Variants in KCNQ1OT1 observed in about 807,000 individuals in gnomAD.
KCNQ1OT1 encodes KCNQ1 opposite strand/antisense transcript 1.
rs925990406 is a variant in KCNQ1OT1, at chr11:2,647,518, A to T, written n.52477T>A. 7.5e-6 allele frequency: 3 copies of T among 398,398 alleles called. No homozygotes were observed. The highest frequency in any genetic ancestry group is 6.2e-5 in the African/African-American group (3 of 48,602). 24.7% of individuals were successfully genotyped at this position (398,398 alleles called of 1,614,324 possible). The stretch of plus-strand genomic sequence containing the variant: ...ATCAAGATACTGCTTGCCTCACAGA[A>T]TGAGTTAGGGAGAATTCCTTTCTCT... On this transcript the variant is annotated non_coding_transcript_exon_variant, in exon 1 of 1. Transcript: ENST00000597346. The surrounding 1 kb of genome is among the most constrained non-coding windows in gnomAD (Gnocchi z 4.0).
exon 1 of KCNQ1OT1, chr11:2,640,995 T>C (rs1226871097): frequency 2.5e-6 from 1 of 398,594 alleles, no homozygotes; most frequent in Non-Finnish European, 4.4e-6. Flanking sequence ...AAGGACATGA[T>C]TTCATTCTTC....
In KCNQ1OT1 at chr11:2,612,535, AGT is replaced by A. The variant is rs1318157369; in HGVS notation, n.87458_87459del. 7.5e-6 allele frequency: 3 copies of A among 398,604 alleles called. No individual in the cohort carries two copies. Among genetic ancestry groups the A allele is most frequent in the Non-Finnish European group, 1.3e-5 (3 of 226,058 alleles). 24.7% of individuals were successfully genotyped at this position (398,604 alleles called of 1,614,324 possible). A position where few individuals can be genotyped will look rare whatever the true frequency, so the allele number is the denominator to read the frequency against. ...CAGGTCAAATTTGCTTAGCCGCACT[AGT>A]GAGTTTTTCACCTAAGTTATTATAT... On this transcript the variant is annotated non_coding_transcript_exon_variant, in exon 1 of 1. Transcript: ENST00000597346. This position sits in a 1 kb window ranked among gnomAD's most constrained non-coding sequence, Gnocchi z 5.5.
exon 1 of KCNQ1OT1, chr11:2,662,038 C>T: frequency 6.2e-7 from 1 of 1,614,222 alleles, no homozygotes; most frequent in Non-Finnish European, 8.5e-7. Context: ...GGACCTGGAC[C>T]TGGAAGGGGA....
Position 2,620,576 on chromosome 11 carries a change from T to C in KCNQ1OT1, n.79419A>G. The C allele has an allele frequency of 2.5e-6, 1 of 397,364 alleles. No homozygotes were observed. Among genetic ancestry groups the C allele is most frequent in the Non-Finnish European group, 4.4e-6 (1 of 225,796 alleles). 24.6% of individuals were successfully genotyped at this position (397,364 alleles called of 1,614,324 possible). ...TGGTGTACATGTACCACATTTTCTTTATCCAATCCACCACTGATGGGCATC... is the reference window on the plus strand; with the variant it reads ...TGGTGTACATGTACCACATTTTCTTCATCCAATCCACCACTGATGGGCATC... On this transcript the variant is annotated non_coding_transcript_exon_variant, in exon 1 of 1. Coordinates refer to ENST00000597346, the Ensembl canonical transcript of KCNQ1OT1. This position sits in a 1 kb window ranked among gnomAD's most constrained non-coding sequence, Gnocchi z 4.5.
In KCNQ1OT1 at chr11:2,679,231, A is replaced by G. The variant is rs1850345461; in HGVS notation, n.20764T>C. On this transcript the variant is annotated non_coding_transcript_exon_variant, in exon 1 of 1. Transcript: ENST00000597346. This position sits in a 1 kb window ranked among gnomAD's most constrained non-coding sequence, Gnocchi z 4.8. ...CATCCATGTGAAGCTGGTCCAGAGG[A>G]CTACAGCTGCCTGTCCCACCCTTGG... is the stretch of plus-strand genomic sequence containing the variant. 3 of 398,506 alleles carry G rather than the reference A, an allele frequency of 7.5e-6. No homozygotes were observed. Among genetic ancestry groups the G allele is most frequent in the Non-Finnish European group, 1.3e-5 (3 of 226,078 alleles). 24.7% of individuals were successfully genotyped at this position (398,506 alleles called of 1,614,324 possible).
chr11:2,649,235 AC>A (rs1564844901), exon 1 of KCNQ1OT1: 3 of 398,000 alleles, frequency 7.5e-6, no homozygotes, highest in Non-Finnish European at 1.3e-5. Flanking sequence ...ATAGGTGAGG[AC>A]TTACTCCTGT....
At chr11:2,680,339 T>C (rs192927813) in exon 1 of KCNQ1OT1, 17 of 398,368 alleles carry the variant, frequency 4.3e-5, no homozygotes, top group African/African-American at 2.9e-4. Flanking sequence ...AAAAAGTCTT[T>C]CCAGCCACAA....
chr11:2,622,805 A>G, exon 1 of KCNQ1OT1: 1 of 398,670 alleles, frequency 2.5e-6, no homozygotes, highest in Non-Finnish European at 4.4e-6. Context: ...GCACCCATAC[A>G]TACAGAGCTT....
rs956813874 is a variant in KCNQ1OT1, at chr11:2,690,779, G to C, written n.9216C>G. On this transcript the variant is annotated non_coding_transcript_exon_variant, in exon 1 of 1. Transcript: ENST00000597346. This position sits in a 1 kb window ranked among gnomAD's most constrained non-coding sequence, Gnocchi z 5.1. Reference sequence around the variant, plus strand: ...TTAGGTGGATGTGGCCTGGCAGGGGGTCAGCAGGAGGGAGGTCCCTGTCTC... The same window carrying C: ...TTAGGTGGATGTGGCCTGGCAGGGGCTCAGCAGGAGGGAGGTCCCTGTCTC... The C allele has an allele frequency of 1.0e-5, 4 of 398,568 alleles. No homozygotes were observed. Among genetic ancestry groups the C allele is most frequent in the Non-Finnish European group, 1.8e-5 (4 of 226,102 alleles). The allele number at this position is 398,568 out of a possible 1,614,324, so 24.7% of individuals were successfully genotyped here.
exon 1 of KCNQ1OT1, chr11:2,660,720 T>C (rs919797302): frequency 3.0e-5 from 12 of 398,508 alleles, no homozygotes; most frequent in African/African-American, 2.5e-4. Context: ...TCGGGCTTCA[T>C]TCAACACTTC....
At position 2,691,792 on chromosome 11, in the gene KCNQ1OT1, A is replaced by G. The variant is rs1271080545; in HGVS notation, n.8203T>C. ...GGCCAGTGGCCATCCACTGCCAGCA[A>G]TCAGAGAATCACAAGCACTGGATCC... On this transcript the variant is annotated non_coding_transcript_exon_variant, in exon 1 of 1. Transcript: ENST00000597346. This position sits in a 1 kb window ranked among gnomAD's most constrained non-coding sequence, Gnocchi z 6.4. The G allele has an allele frequency of 5.0e-6, 2 of 398,524 alleles. No individual in the cohort carries two copies. The highest frequency in any genetic ancestry group is 4.4e-5 in the Admixed American group (1 of 22,722). The allele number at this position is 398,524 out of a possible 1,614,324, so 24.7% of individuals were successfully genotyped here. A position where few individuals can be genotyped will look rare whatever the true frequency, so the allele number is the denominator to read the frequency against.
exon 1 of KCNQ1OT1, chr11:2,616,204 GTTTT>G (rs1002332005): frequency 8.1e-6 from 3 of 371,246 alleles, no homozygotes; most frequent in Admixed American, 4.9e-5. Context: ...TCCCACTTTT[GTTTT>G]TTTTTCTTAT....
chr11:2,616,161 C>T (rs1175406105), exon 1 of KCNQ1OT1: 4 of 396,894 alleles, frequency 1.0e-5, no homozygotes, highest in African/African-American at 6.2e-5. Flanking sequence ...TCTTTTATCA[C>T]ACTTTTTATT....
chr11:2,678,972 A>C lies in KCNQ1OT1; in HGVS notation n.21023T>G. 2 of 398,652 alleles carry C rather than the reference A, an allele frequency of 5.0e-6. No individual in the cohort carries two copies. The highest frequency in any genetic ancestry group is 8.8e-6 in the Non-Finnish European group (2 of 226,064). The allele number at this position is 398,652 out of a possible 1,614,324, so 24.7% of individuals were successfully genotyped here. On this transcript the variant is annotated non_coding_transcript_exon_variant, in exon 1 of 1. Transcript: ENST00000597346. The surrounding 1 kb of genome is among the most constrained non-coding windows in gnomAD (Gnocchi z 4.9). ...CTCAATAGAGAACAAAAGAGCAAAT[A>C]GGCCTAATTCAAGAATTTTTAAAAA...
exon 1 of KCNQ1OT1, chr11:2,667,784 C>T: frequency 2.5e-6 from 1 of 398,672 alleles, no homozygotes; most frequent in Non-Finnish European, 4.4e-6. Context: ...GGCTATCCAC[C>T]TAATTAGGCT....
chr11:2,650,646 C>A, exon 1 of KCNQ1OT1: 1 of 398,674 alleles, frequency 2.5e-6, no homozygotes, highest in Admixed American at 4.4e-5. Flanking sequence ...TAACTACCTT[C>A]AAACTTTTTG....
exon 1 of KCNQ1OT1, chr11:2,614,127 A>G (rs950682415): frequency 3.8e-5 from 15 of 398,296 alleles, no homozygotes; most frequent in Non-Finnish European, 5.3e-5. Context: ...TGGCTTTCCT[A>G]CCATGTCTCT....
chr11:2,622,457 G>C (rs1485481052), exon 1 of KCNQ1OT1: 1 of 398,246 alleles, frequency 2.5e-6, no homozygotes, highest in East Asian at 3.6e-5. Flanking sequence ...AAGTGAGTTT[G>C]TTATATACAG....
In KCNQ1OT1 at chr11:2,682,383, A is replaced by G. The variant is rs1383282369; in HGVS notation, n.17612T>C. 2.5e-6 allele frequency: 1 copy of G among 398,550 alleles called. No individual in the cohort carries two copies. The highest frequency in any genetic ancestry group is 2.1e-5 in the African/African-American group (1 of 48,630). 24.7% of individuals were successfully genotyped at this position (398,550 alleles called of 1,614,324 possible). A position where few individuals can be genotyped will look rare whatever the true frequency, so the allele number is the denominator to read the frequency against. On this transcript the variant is annotated non_coding_transcript_exon_variant, in exon 1 of 1. Coordinates refer to ENST00000597346, the Ensembl canonical transcript of KCNQ1OT1. This position sits in a 1 kb window ranked among gnomAD's most constrained non-coding sequence, Gnocchi z 5.8. ...GCTCCTTCTATCACATTCAAGGAGC[A>G]TGAGGGTATAGGCTGGCTGTTTCTA... is the stretch of plus-strand genomic sequence containing the variant.
Sources: gnomAD v4.1 joint callset for allele counts on GRCh38, gnomAD v4.1.1 for gene constraint, Gnocchi (gnomAD v3.1) non-coding constraint, MANE v1.5 for transcripts, NCBI Gene and HGNC (gene_info 2026-07-23, HGNC 2026-07-21) for gene names.